Variants in CCR3 observed in about 807,000 individuals in gnomAD.
The protein encoded by CCR3 is C-C motif chemokine receptor 3.
For missense variants in CCR3, 419 were observed against 437.5 expected, an observed-to-expected ratio of 0.96 and a Z score of 0.38; for synonymous variants, 203 against 179.2, an observed-to-expected ratio of 1.13 and a Z score of -1.06.
intron 1 of CCR3, among the ~76,000 whole-genome samples, chr3:46,242,963 G>GTATATATATATATATATACACA (rs71095086): frequency 5.8e-5 from 5 of 86,298 alleles, no homozygotes; most frequent in African/African-American, 2.4e-4. Flanking sequence ...ATATATATGT[G>GTATATATATATATATATACACA]TATATATATA....
At chr3:46,239,400 T>C (rs1423825793), upstream of CCR3, among the ~76,000 whole-genome samples, 1 of 152,238 alleles carries the variant, frequency 6.6e-6, no homozygotes, top group African/African-American at 2.4e-5. Flanking sequence ...AGATGTCATT[T>C]GGTAATTGTG....
In CCR3 at chr3:46,265,196, C is replaced by T. The variant is rs142492736; in HGVS notation, c.38C>T (p.Thr13Ile). ...CTAGATACAGTTGAGACCTTTGGTA[C>T]CACATCCTACTATGATGACGTGGGC... is the stretch of plus-strand genomic sequence containing the variant. ...TSLDTVETFGTTSYYDDVGLL... is the reference protein window; with the variant it reads ...TSLDTVETFGITSYYDDVGLL... Residue 13 changes from threonine (T) to isoleucine (I), a missense_variant, in exon 2 of 2, where the codon ACC (threonine) becomes ATC (isoleucine). Thr to Ile is a moderately conservative substitution (Grantham distance 89). Transcript: ENST00000395940. 21 of 1,613,884 alleles carry T rather than the reference C, an allele frequency of 1.3e-5. No individual in the cohort carries two copies. Among genetic ancestry groups the T allele is most frequent in the Non-Finnish European group, 1.7e-5 (20 of 1,179,872 alleles).
chr3:46,246,674 T>C (rs953240510), intron 1 of CCR3, among the ~76,000 whole-genome samples: 6 of 152,158 alleles, frequency 3.9e-5, no homozygotes, highest in Non-Finnish European at 7.3e-5. Context: ...TGGGCGTATA[T>C]GTGCAAGTCA....
intron 1 of CCR3, among the ~76,000 whole-genome samples, chr3:46,245,453 C>T (rs1211587054): frequency 2.0e-5 from 3 of 148,084 alleles, no homozygotes; most frequent in Non-Finnish European, 3.0e-5. Flanking sequence ...ATTGCCTAAT[C>T]CAACCCTTTA....
In CCR3 at chr3:46,266,469, C is replaced by G; in HGVS notation, c.*243C>G. 1 of 413,298 alleles carries G rather than the reference C, an allele frequency of 2.4e-6. No homozygotes were observed. The highest frequency in any genetic ancestry group is 4.1e-5 in the Admixed American group (1 of 24,598). 25.6% of individuals were successfully genotyped at this position (413,298 alleles called of 1,614,324 possible). A position where few individuals can be genotyped will look rare whatever the true frequency, so the allele number is the denominator to read the frequency against. ...CTAAAAAGCAGAGCTTTGCTTCTCTCTCTAAAATGAGTTACCTACATTTTA... is the reference window on the plus strand; with the variant it reads ...CTAAAAAGCAGAGCTTTGCTTCTCTGTCTAAAATGAGTTACCTACATTTTA... On this transcript the variant is annotated 3_prime_UTR_variant, in exon 2 of 2. Coordinates refer to ENST00000395940, the MANE Select transcript of CCR3 (RefSeq NM_178329.3).
In CCR3 at chr3:46,266,503, G is replaced by A. The variant is rs992540413; in HGVS notation, c.*277G>A. 2 of 354,592 alleles carry A rather than the reference G, an allele frequency of 5.6e-6. No individual in the cohort carries two copies. The allele number at this position is 354,592 out of a possible 1,614,324, so 22.0% of individuals were successfully genotyped here. On this transcript the variant is annotated 3_prime_UTR_variant, in exon 2 of 2. Coordinates refer to ENST00000395940, the MANE Select transcript of CCR3 (RefSeq NM_178329.3). ...GAGTTACCTACATTTTAATGCACCT[G>A]AATGTTAGATAGTTACTATATGCCG...
intron 1 of CCR3, among the ~76,000 whole-genome samples, chr3:46,258,315 C>G (rs1292840988): frequency 6.6e-6 from 1 of 152,160 alleles, no homozygotes; most frequent in East Asian, 1.9e-4. Flanking sequence ...TAACACGATG[C>G]AACTAACATT....
chr3:46,253,098 C>A (rs984559265), intron 1 of CCR3, among the ~76,000 whole-genome samples: 1 of 151,912 alleles, frequency 6.6e-6, no homozygotes, highest in African/African-American at 2.4e-5. Flanking sequence ...TCAAGAGCTC[C>A]CCAGTGACTC....
intron 1 of CCR3, among the ~76,000 whole-genome samples, chr3:46,260,590 C>T (rs1441998467): frequency 6.6e-6 from 1 of 152,222 alleles, no homozygotes; most frequent in East Asian, 1.9e-4. Context: ...CCTTTGACTC[C>T]ATGTCTTGCA....
At chr3:46,216,735 G>A (rs13088766) in intron 2 of CCR3, among the ~76,000 whole-genome samples, 25,055 of 152,062 alleles carry the variant, frequency 0.16, 2,986 homozygotes, top group African/African-American at 0.33. Context: ...ACCCTAGAGC[G>A]TTGGATCCAA....
At position 46,220,446 on chromosome 3, in the gene CCR3, T is replaced by A. The variant is rs1699823546; in HGVS notation, c.-68+9539T>A. ...ACCACTATAGAAAACAGTATGGAGA[T>A]TCCTTAAAGAACCAAAAGTAGAACT... is the stretch of plus-strand genomic sequence containing the variant. On this transcript the variant is annotated intron_variant, in intron 2 of 3. Transcript: ENST00000357422. Among the ~76,000 whole-genome samples the A allele has an allele frequency of 2.0e-5, 3 of 152,122 alleles. 1 individual carries two copies.
chr3:46,239,420 C>T (rs1488488572), upstream of CCR3, among the ~76,000 whole-genome samples: 1 of 152,160 alleles, frequency 6.6e-6, no homozygotes, highest in Non-Finnish European at 1.5e-5. Flanking sequence ...GATTATTTAT[C>T]AAGCTCCTAC....
intron 2 of CCR3, among the ~76,000 whole-genome samples, chr3:46,216,059 C>T (rs770784625): frequency 5.9e-5 from 9 of 152,118 alleles, no homozygotes; most frequent in Non-Finnish European, 1.3e-4. Context: ...AAATTGGGTC[C>T]CACTCCATGG....
intron 1 of CCR3, among the ~76,000 whole-genome samples, chr3:46,247,694 G>A (rs532820370): frequency 2.9e-4 from 44 of 152,174 alleles, no homozygotes; most frequent in African/African-American, 9.6e-4. Context: ...AAATGACTGC[G>A]GTGCCCTTCT....
chr3:46,214,676 C>T (rs1488980514), intron 2 of CCR3, among the ~76,000 whole-genome samples: 1 of 152,118 alleles, frequency 6.6e-6, no homozygotes, highest in African/African-American at 2.4e-5. Context: ...AAAACAGCCA[C>T]TTGTGAGCCA....
At chr3:46,264,868 T>C in intron 1 of CCR3, 1 of 443,466 alleles carries the variant, frequency 2.3e-6, no homozygotes, top group Middle Eastern at 5.9e-4. Context: ...TTCCTTTAAA[T>C]GCTTTCAGAA....
intron 2 of CCR3, among the ~76,000 whole-genome samples, chr3:46,235,284 A>T (rs543171329): frequency 5.9e-5 from 9 of 152,300 alleles, no homozygotes; most frequent in African/African-American, 1.9e-4. Flanking sequence ...GAGGATACTG[A>T]GCACCAGAAG....
At chr3:46,222,097 A>G (rs1699844162) in intron 2 of CCR3, among the ~76,000 whole-genome samples, 1 of 152,228 alleles carries the variant, frequency 6.6e-6, no homozygotes, top group African/African-American at 2.4e-5. Flanking sequence ...CTCTAGGACA[A>G]TAAGGCGTGA....
At position 46,243,002 on chromosome 3, in the gene CCR3, T is replaced by TATATATATATATATATATAC. The variant is rs56773457; in HGVS notation, c.-12+465_-12+466insTATATATATATATATATACA. 8.6e-4 allele frequency among the ~76,000 whole-genome samples: 107 copies of TATATATATATATATATATAC among 123,732 alleles called. 1 individual carries two copies. The highest frequency in any genetic ancestry group is 4.4e-3 in the East Asian group (17 of 3,840). 81.2% of individuals were successfully genotyped at this position (123,732 alleles called of 152,430 possible). A position where few individuals can be genotyped will look rare whatever the true frequency, so the allele number is the denominator to read the frequency against. On this transcript the variant is annotated intron_variant, in intron 1 of 1. Transcript: ENST00000395940. ...ATACACATATATATATATATATATATACGCACACACACATACATTTTTATA... is the reference window on the plus strand; with the variant it reads ...ATACACATATATATATATATATATATATATATATATATATATATACACGCACACACACATACATTTTTATA...
Sources: allele counts gnomAD v4.1 joint callset (sites outside exome capture counted in the v4.1 genomes callset), GRCh38; gene constraint gnomAD v4.1.1; transcripts MANE v1.5; gene names NCBI Gene and HGNC (gene_info 2026-07-23, HGNC 2026-07-21).